The following POU6F2 variants were observed in gnomAD, a reference collection of about 807,000 sequenced individuals.
POU6F2 encodes POU domain, class 6, transcription factor 2.
In POU6F2, 31 loss-of-function variants were observed where a neutral mutation model predicts 71.3. The observed-to-expected ratio is 0.43, with a 90% CI of 0.33 to 0.59. POU6F2 has a LOEUF of 0.59. Among genes scored for constraint, POU6F2 ranks in the 20% least tolerant of loss-of-function variants. The probability of loss-of-function intolerance (pLI) is 0.04; values close to 1 mark genes in which losing one functional copy is unlikely to be tolerated. For synonymous variants in POU6F2, 347 were observed against 355.7 expected (o/e 0.98, Z 0.27); for missense variants, 783 against 856.8 (o/e 0.91, Z 1.07).
At chr7:39,453,502 G>T (rs1788709435) in intron 8 of POU6F2, among the ~76,000 whole-genome samples, 1 of 152,192 alleles carries the variant, frequency 6.6e-6, no homozygotes, top group Non-Finnish European at 1.5e-5. Context: ...ATATGAAAAA[G>T]AAGTACAAAC....
At chr7:39,331,333 T>C (rs929318713) in intron 4 of POU6F2, among the ~76,000 whole-genome samples, 2 of 152,206 alleles carry the variant, frequency 1.3e-5, no homozygotes, top group African/African-American at 4.8e-5. Flanking sequence ...CATTTTAGAC[T>C]TTTTGAGGAA....
At chr7:39,109,947 A>G (rs1309214389) in intron 2 of POU6F2, among the ~76,000 whole-genome samples, 1 of 152,198 alleles carries the variant, frequency 6.6e-6, no homozygotes, top group Non-Finnish European at 1.5e-5. Context: ...TTGTGAGCTA[A>G]TTGTTAAATA....
chr7:39,220,871 C>G (rs142594396), intron 4 of POU6F2, among the ~76,000 whole-genome samples: 1,839 of 151,998 alleles, frequency 0.012, 13 homozygotes, highest in Non-Finnish European at 0.02. Context: ...ATATGGTAGC[C>G]ATGAGCCACA....
chr7:39,051,912 G>T (rs137859637), intron 1 of POU6F2, among the ~76,000 whole-genome samples: 1 of 152,078 alleles, frequency 6.6e-6, no homozygotes, highest in Non-Finnish European at 1.5e-5. Flanking sequence ...GCACAATACT[G>T]TGTGGTTGGG....
At chr7:39,425,177 T>C (rs1787940851) in intron 6 of POU6F2, among the ~76,000 whole-genome samples, 1 of 152,048 alleles carries the variant, frequency 6.6e-6, no homozygotes, top group Non-Finnish European at 1.5e-5. Flanking sequence ...TAAGATCTGA[T>C]AGAATCTCTT....
At chr7:39,423,475 G>GAGTA (rs1172213219) in intron 6 of POU6F2, among the ~76,000 whole-genome samples, 3 of 79,556 alleles carry the variant, frequency 3.8e-5, no homozygotes, top group African/African-American at 1.0e-4. Flanking sequence ...AGGATTTGCT[G>GAGTA]AGTGAGTGAG....
In POU6F2 at chr7:39,451,713, T is replaced by G. The variant is rs1788667199; in HGVS notation, c.1489+12T>G. Reference sequence around the variant, plus strand: ...CCAGTTAGTCAGCAGTAAGTATCCTTTCTGGCTCGGTTTAAATCGTGGTGG... The same window carrying G: ...CCAGTTAGTCAGCAGTAAGTATCCTGTCTGGCTCGGTTTAAATCGTGGTGG... On this transcript the variant is annotated intron_variant, in intron 8 of 9. Coordinates refer to ENST00000518318, the MANE Select transcript of POU6F2 (RefSeq NM_001370959.1). 1 of 1,567,940 alleles carries G rather than the reference T, an allele frequency of 6.4e-7. No individual in the cohort carries two copies. Among genetic ancestry groups the G allele is most frequent in the Non-Finnish European group, 8.7e-7 (1 of 1,155,422 alleles).
rs1214364565 is a variant in POU6F2 at position 39,449,891 on chromosome 7, A to G, written c.1321-1642A>G. On this transcript the variant is annotated intron_variant, in intron 7 of 9. Coordinates refer to ENST00000518318, the MANE Select transcript of POU6F2 (RefSeq NM_001370959.1). The stretch of plus-strand genomic sequence containing the variant: ...ACATATTGTATGATTCCATTTCTGG[A>G]CTCAGACAAATGAATCCAGAGTGAC... Among the ~76,000 whole-genome samples, 5 of 152,300 alleles carry G rather than the reference A, an allele frequency of 3.3e-5. No individual in the cohort carries two copies. The East Asian group carries it at 5.8e-4, about 18-fold the overall frequency.
chr7:39,368,710 T>C (rs59419831), intron 5 of POU6F2, among the ~76,000 whole-genome samples: 31,102 of 152,108 alleles, frequency 0.2, 3,741 homozygotes, highest in East Asian at 0.59. Context: ...CTGATGACTT[T>C]TAAGTTAAAG....
At position 39,409,647 on chromosome 7, in the gene POU6F2, G is replaced by A. The variant is rs566861146; in HGVS notation, c.1113+2907G>A. ...CCTATGCCAGTGGTGCACTTTTGCA[G>A]GGCAAGCAGTCCTAAGGCTGGGCAG... is the stretch of plus-strand genomic sequence containing the variant. On this transcript the variant is annotated intron_variant, in intron 6 of 9. Coordinates refer to ENST00000518318, the MANE Select transcript of POU6F2 (RefSeq NM_001370959.1). Among the ~76,000 whole-genome samples the A allele has an allele frequency of 1.6e-4, 25 of 151,950 alleles. No homozygotes were observed. In the South Asian group the frequency reaches 3.9e-3, roughly 24 times the overall value.
intron 5 of POU6F2, chr7:39,373,660 C>A: frequency 2.7e-6 from 1 of 368,670 alleles, no homozygotes; most frequent in Non-Finnish European, 5.4e-6. Context: ...AACTGGTCTC[C>A]TTATTGAATA....
chr7:39,394,343 G>T (rs1787132422), intron 5 of POU6F2, among the ~76,000 whole-genome samples: 1 of 150,360 alleles, frequency 6.7e-6, no homozygotes, highest in South Asian at 2.1e-4. Flanking sequence ...TAAAATAAAT[G>T]AAATTATTTT....
chr7:38,998,654 A>AT (rs35912432), intron 1 of POU6F2, among the ~76,000 whole-genome samples: 30,477 of 143,440 alleles, frequency 0.21, 3,317 homozygotes, highest in Middle Eastern at 0.28. Context: ...TGTTAATCAC[A>AT]TTTTTTTTTT....
chr7:39,080,976 G>T (rs545679015), intron 1 of POU6F2, among the ~76,000 whole-genome samples: 2 of 152,230 alleles, frequency 1.3e-5, no homozygotes, highest in African/African-American at 4.8e-5. Context: ...CAAAGCCCAA[G>T]ATGAATTCTC....
chr7:39,138,447 A>C (rs1186232017), intron 2 of POU6F2, among the ~76,000 whole-genome samples: 2 of 152,202 alleles, frequency 1.3e-5, no homozygotes, highest in Non-Finnish European at 2.9e-5. Flanking sequence ...TTCATCACTC[A>C]CATTACCACC....
intron 4 of POU6F2, among the ~76,000 whole-genome samples, chr7:39,295,707 A>G (rs1339265890): frequency 6.6e-6 from 1 of 152,256 alleles, no homozygotes; most frequent in Non-Finnish European, 1.5e-5. Context: ...TCTTGATATC[A>G]AGAAGGCAAT....
At chr7:39,080,118 G>A (rs1198110292) in intron 1 of POU6F2, among the ~76,000 whole-genome samples, 1 of 152,024 alleles carries the variant, frequency 6.6e-6, no homozygotes, top group Non-Finnish European at 1.5e-5. Flanking sequence ...ATTTCAGAAA[G>A]TCAAATAGAA....
intron 2 of POU6F2, among the ~76,000 whole-genome samples, chr7:39,179,282 G>A (rs1793388762): frequency 6.6e-6 from 1 of 152,244 alleles, no homozygotes; most frequent in Admixed American, 6.5e-5. Context: ...GTGCCACACT[G>A]CCTGGGTTCA....
At chr7:39,193,583 C>A (rs1016643396) in intron 2 of POU6F2, among the ~76,000 whole-genome samples, 4 of 152,180 alleles carry the variant, frequency 2.6e-5, no homozygotes, top group Non-Finnish European at 5.9e-5. Flanking sequence ...CCTGTCTAAA[C>A]CTTAGTTTCC....
Sources: gnomAD v4.1 joint callset for allele counts (sites outside exome capture counted in the v4.1 genomes callset) on GRCh38, gnomAD v4.1.1 for gene constraint, MANE v1.5 for transcripts, NCBI Gene and HGNC (gene_info 2026-07-23, HGNC 2026-07-21) for gene names.